Variants in RAD21 observed in about 807,000 individuals in gnomAD.
RAD21 encodes double-strand-break repair protein rad21 homolog.
Under a neutral mutation model 71.5 loss-of-function variants are expected in RAD21, and 18 were observed. That is an observed-to-expected ratio of 0.25 (90% CI 0.17 to 0.37). The LOEUF (loss-of-function observed/expected upper bound fraction) is 0.37, where lower values mean the gene tolerates loss of function less well. RAD21 is among the 10% of genes least tolerant of loss of function. The pLI is 1.00. For missense variants in RAD21, 493 were observed against 769.1 expected (o/e 0.64, Z 4.25); for synonymous variants, 248 against 254.0 (o/e 0.98, Z 0.22).
At chr8:116,864,815 A>G (rs1367881159) in intron 2 of RAD21, among the ~76,000 whole-genome samples, 5 of 152,134 alleles carry the variant, frequency 3.3e-5, no homozygotes, top group African/African-American at 7.2e-5. Context: ...GAGGTATGGC[A>G]TATGTTTTTG....
Position 116,851,954 on chromosome 8 carries a change from C to A in RAD21, c.1464G>T (p.Val488=). 1 of 1,607,062 alleles carries A rather than the reference C, an allele frequency of 6.2e-7. No individual in the cohort carries two copies. Among genetic ancestry groups the A allele is most frequent in the Non-Finnish European group, 8.5e-7 (1 of 1,174,922 alleles). ...RKAGQIDPEP[V]MPPQQVEQME... ...GATAGATTTGCTTACTTACAGGCAT[C>A]ACAGGCTCTGGGTCAATTTGTCCAG... The change falls in exon 11 of 14, where the codon GTG becomes GTT. Residue 488 remains valine (V), a synonymous_variant. Coordinates refer to ENST00000297338, the MANE Select transcript of RAD21 (RefSeq NM_006265.3).
intron 8 of RAD21, 93 bp from the exon 9 acceptor site, chr8:116,854,561 T>G: frequency 1.1e-6 from 1 of 923,342 alleles, no homozygotes; most frequent in Admixed American, 2.1e-5. Context: ...TCCCCTGCTT[T>G]TCTACACACA....
At chr8:116,867,075 T>A (rs1812711282) in intron 1 of RAD21, 1 of 167,972 alleles carries the variant, frequency 6.0e-6, no homozygotes, top group South Asian at 2.0e-4. Flanking sequence ...GGCCAAGAGC[T>A]AGAGAATATA....
chr8:116,864,671 A>C (rs1289309788), intron 2 of RAD21, among the ~76,000 whole-genome samples: 1 of 152,118 alleles, frequency 6.6e-6, no homozygotes, highest in African/African-American at 2.4e-5. Context: ...ACCTTCACCT[A>C]AGAACAAAGG....
rs1812706570 is a variant in RAD21 at position 116,866,900 on chromosome 8, T to TA, written c.-32-140dup. ...TTGAGTAAATGTTTAATATGTATTT[T>TA]AAAAACAACAGATTTAAAACAAATC... On this transcript the variant is annotated intron_variant, in intron 1 of 13. Coordinates refer to ENST00000297338, the MANE Select transcript of RAD21 (RefSeq NM_006265.3). 6.0e-6 allele frequency: 3 copies of TA among 501,392 alleles called. No individual in the cohort carries two copies. In the South Asian group the frequency reaches 2.1e-4, roughly 35 times the overall value. 31.1% of individuals were successfully genotyped at this position (501,392 alleles called of 1,614,324 possible).
intron 9 of RAD21, among the ~76,000 whole-genome samples, chr8:116,853,270 G>T (rs13276470): frequency 0.29 from 43,454 of 151,870 alleles, 6,289 homozygotes; most frequent in South Asian, 0.47. Flanking sequence ...GTACAGACGG[G>T]ATTTTACCAT....
intron 2 of RAD21, among the ~76,000 whole-genome samples, chr8:116,866,274 A>T (rs1391034370): frequency 6.7e-6 from 1 of 148,468 alleles, no homozygotes; most frequent in Non-Finnish European, 1.5e-5. Context: ...TTTTTGAGAC[A>T]GGGTCTCAAA....
At chr8:116,864,149 A>G (rs16888995) in intron 2 of RAD21, among the ~76,000 whole-genome samples, 3,599 of 152,190 alleles carry the variant, frequency 0.024, 145 homozygotes, top group African/African-American at 0.081. Flanking sequence ...AGTAGTTGAT[A>G]AAACAATGAG....
chr8:116,856,159 TG>T lies in RAD21; in HGVS notation c.937+6del. The T allele has an allele frequency of 6.2e-7, 1 of 1,608,336 alleles. No individual in the cohort carries two copies. Among genetic ancestry groups the T allele is most frequent in the Non-Finnish European group, 8.5e-7 (1 of 1,177,728 alleles). On this transcript the variant is annotated splice_donor_region_variant and intron_variant, in intron 8 of 13. Transcript: ENST00000297338. Reference sequence around the variant, plus strand: ...TGCTGTATAAATCTAAAGGTTCATATGCTTACCAGTTATATCAATAGGCTCC... The same window carrying T: ...TGCTGTATAAATCTAAAGGTTCATATCTTACCAGTTATATCAATAGGCTCC...
chr8:116,850,896 C>T lies in RAD21; in HGVS notation c.1471-129G>A, dbSNP rs61637286. The T allele has an allele frequency of 8.3e-3, 4,532 of 547,722 alleles. 157 individuals carry two copies. Among genetic ancestry groups the T allele is most frequent in the African/African-American group, 0.074 (3,917 of 53,182 alleles). 33.9% of individuals were successfully genotyped at this position (547,722 alleles called of 1,614,324 possible). A position where few individuals can be genotyped will look rare whatever the true frequency, so the allele number is the denominator to read the frequency against. ...TACTGAGATTATATCTCTATACTTC[C>T]CCACAAGGAAAAATTTATTACAGTA... On this transcript the variant is annotated intron_variant, in intron 11 of 13. Coordinates refer to ENST00000297338, the MANE Select transcript of RAD21 (RefSeq NM_006265.3).
At chr8:116,867,086 T>C (rs1335151585) in intron 1 of RAD21, 2 of 163,042 alleles carry the variant, frequency 1.2e-5, no homozygotes, top group Non-Finnish European at 2.7e-5. Flanking sequence ...AGAGAATATA[T>C]TTTTCATGGC....
chr8:116,867,921 T>C (rs1380167466), intron 1 of RAD21, among the ~76,000 whole-genome samples: 1 of 152,214 alleles, frequency 6.6e-6, no homozygotes, highest in Non-Finnish European at 1.5e-5. Flanking sequence ...CAGATGTGTA[T>C]AATCACCACT....
intron 7 of RAD21, 81 bp downstream of exon 7, chr8:116,856,565 T>C (rs1216861376): frequency 1.4e-5 from 20 of 1,403,372 alleles, no homozygotes; most frequent in Non-Finnish European, 1.9e-5. Context: ...ACTACAACTT[T>C]TAGTTTGTCA....
chr8:116,856,409 A>G lies in RAD21; in HGVS notation c.815-121T>C, dbSNP rs1812467446. Reference sequence around the variant, plus strand: ...GGAAAGAAATCCTGTTATTACTAAGAAAAAATATTTTTCTAGTTAATGGGA... The same window carrying G: ...GGAAAGAAATCCTGTTATTACTAAGGAAAAATATTTTTCTAGTTAATGGGA... On this transcript the variant is annotated intron_variant, in intron 7 of 13. Transcript: ENST00000297338. 2.9e-5 allele frequency: 38 copies of G among 1,314,998 alleles called. No homozygotes were observed. In the South Asian group the frequency reaches 6.7e-4, roughly 23 times the overall value. The allele number at this position is 1,314,998 out of a possible 1,614,324, so 81.5% of individuals were successfully genotyped here.
intron 2 of RAD21, among the ~76,000 whole-genome samples, chr8:116,863,997 TAAAAA>T (rs912791896): frequency 6.7e-6 from 1 of 149,786 alleles, no homozygotes; most frequent in Admixed American, 6.7e-5. Context: ...CATACCGATT[TAAAAA>T]AAAAAGTTTG....
intron 1 of RAD21, among the ~76,000 whole-genome samples, chr8:116,871,873 C>G (rs1451351365): frequency 1.3e-5 from 2 of 152,222 alleles, no homozygotes; most frequent in Non-Finnish European, 1.5e-5. Flanking sequence ...ACTTGAACTT[C>G]AGAATCCACA....
rs757623612 is a variant in RAD21, at chr8:116,856,317, T to C, written c.815-29A>G. On this transcript the variant is annotated intron_variant, in intron 7 of 13. Transcript: ENST00000297338. ...TAAAAAAAAAAAAAAAAAAAAAAAG[T>C]CACAAAAAGCTTTGGTATATAACAT... 4 of 1,184,372 alleles carry C rather than the reference T, an allele frequency of 3.4e-6. No homozygotes were observed. In the East Asian group the frequency reaches 1.1e-4, roughly 34 times the overall value. The allele number at this position is 1,184,372 out of a possible 1,614,324, so 73.4% of individuals were successfully genotyped here.
At chr8:116,868,987 C>T (rs1812753541) in intron 1 of RAD21, among the ~76,000 whole-genome samples, 1 of 152,030 alleles carries the variant, frequency 6.6e-6, no homozygotes, top group Non-Finnish European at 1.5e-5. Flanking sequence ...CTAAATCTCA[C>T]ACATTATATA....
intron 1 of RAD21, among the ~76,000 whole-genome samples, chr8:116,870,604 T>C (rs754274235): frequency 1.3e-5 from 2 of 152,208 alleles, no homozygotes; most frequent in Non-Finnish European, 2.9e-5. Flanking sequence ...TACTATGTTA[T>C]AAATAAAATC....
Sources: allele counts gnomAD v4.1 joint callset (sites outside exome capture counted in the v4.1 genomes callset), GRCh38; gene constraint gnomAD v4.1.1; transcripts MANE v1.5; gene names NCBI Gene and HGNC (gene_info 2026-07-23, HGNC 2026-07-21).